PCDHGA11: variants seen among roughly 807,000 people sequenced by gnomAD.
The protein encoded by PCDHGA11 is protocadherin gamma-A11.
PCDHGA11 carries 39 observed loss-of-function variants against 60.4 expected under a neutral mutation model. The observed-to-expected ratio is 0.65, with a 90% CI of 0.50 to 0.84. The LOEUF (loss-of-function observed/expected upper bound fraction) is 0.84. PCDHGA11 is among the 40% of genes least tolerant of loss of function. The pLI is 0.00. For synonymous variants in PCDHGA11, 533 were observed against 510.3 expected (o/e 1.04, Z -0.60); for missense variants, 1,165 against 1,197.7 (o/e 0.97, Z 0.40).
chr5:141,438,638 A>G (rs1192725978), intron 1 of PCDHGA11, among the ~76,000 whole-genome samples: 1 of 22,806 alleles, frequency 4.4e-5, no homozygotes, highest in East Asian at 1.6e-3. Flanking sequence ...ATATATATAC[A>G]CACACACACA....
chr5:141,486,278 G>A lies in PCDHGA11; in HGVS notation c.2434-8529G>A. The A allele has an allele frequency of 1.2e-6, 2 of 1,614,088 alleles. No individual in the cohort carries two copies. Among genetic ancestry groups the A allele is most frequent in the South Asian group, 2.2e-5 (2 of 91,068 alleles). On this transcript the variant is annotated intron_variant, in intron 1 of 3. Transcript: ENST00000398587. This position sits in a 1 kb window ranked among gnomAD's most constrained non-coding sequence, Gnocchi z 5.0. The stretch of plus-strand genomic sequence containing the variant: ...CGAGAGTGCAGAACCTGGCACTGTG[G>A]TGGCACTTATCAGTGTGCAGGATCC...
Position 141,476,301 on chromosome 5 carries a change from C to T in PCDHGA11, c.2434-18506C>T. On this transcript the variant is annotated intron_variant, in intron 1 of 3. Transcript: ENST00000398587. The surrounding 1 kb of genome is among the most constrained non-coding windows in gnomAD (Gnocchi z 7.6). ...CTTGGTTTGGATCTCGGTAGCCTCT[C>T]AGCCCGCAGGTTCCGGGTGGTGTCT... is the stretch of plus-strand genomic sequence containing the variant. The T allele has an allele frequency of 1.9e-6, 3 of 1,613,778 alleles. No homozygotes were observed. The highest frequency in any genetic ancestry group is 2.5e-6 in the Non-Finnish European group (3 of 1,179,908).
At chr5:141,438,960 C>A (rs1398478011) in intron 1 of PCDHGA11, among the ~76,000 whole-genome samples, 1 of 151,940 alleles carries the variant, frequency 6.6e-6, no homozygotes, top group Non-Finnish European at 1.5e-5. Flanking sequence ...GCCACCGCAC[C>A]CTGCCAACTG....
chr5:141,468,599 G>C (rs1055715232), intron 1 of PCDHGA11: 7 of 152,236 alleles, frequency 4.6e-5, no homozygotes, highest in African/African-American at 1.4e-4. Flanking sequence ...GGGCGCGGTG[G>C]CTCACGCCTG....
At chr5:141,470,124 G>A (rs1038487398) in intron 1 of PCDHGA11, among the ~76,000 whole-genome samples, 4 of 151,358 alleles carry the variant, frequency 2.6e-5, no homozygotes, top group African/African-American at 9.7e-5. Flanking sequence ...GCAAGACTTC[G>A]TCTCAAAAAA....
Position 141,489,527 on chromosome 5 carries a change from G to A in PCDHGA11, c.2434-5280G>A. On this transcript the variant is annotated intron_variant, in intron 1 of 3. Coordinates refer to ENST00000398587, the MANE Select transcript of PCDHGA11 (RefSeq NM_018914.3). The surrounding 1 kb of genome is among the most constrained non-coding windows in gnomAD (Gnocchi z 4.5). The stretch of plus-strand genomic sequence containing the variant: ...CAAAAGATTGACCGAGAAAGCCTAT[G>A]TGGAGCCAGCACCAGCTGCCTGCTG... The A allele has an allele frequency of 1.9e-6, 3 of 1,614,152 alleles. No individual in the cohort carries two copies. Among genetic ancestry groups the A allele is most frequent in the East Asian group, 2.2e-5 (1 of 44,874 alleles).
intron 1 of PCDHGA11, among the ~76,000 whole-genome samples, chr5:141,450,062 A>G (rs546772416): frequency 1.1e-4 from 15 of 142,322 alleles, no homozygotes; most frequent in African/African-American, 4.0e-4. Flanking sequence ...GCTGGAATGC[A>G]GTGGTATGAT....
chr5:141,441,800 G>T, intron 1 of PCDHGA11: 1 of 382,594 alleles, frequency 2.6e-6, no homozygotes, highest in Non-Finnish European at 5.2e-6. Flanking sequence ...ACGCACCGCG[G>T]GTGCTGTACC....
At chr5:141,454,267 A>G (rs1270638226) in intron 1 of PCDHGA11, among the ~76,000 whole-genome samples, 1 of 152,254 alleles carries the variant, frequency 6.6e-6, no homozygotes, top group Non-Finnish European at 1.5e-5. Context: ...AAGTAATGCC[A>G]GCAAAAACTT....
intron 1 of PCDHGA11, among the ~76,000 whole-genome samples, chr5:141,442,717 C>T (rs918238654): frequency 1.3e-5 from 2 of 152,166 alleles, no homozygotes; most frequent in African/African-American, 2.4e-5. Flanking sequence ...CATGCCAGAG[C>T]ATTTGGGGCC....
chr5:141,509,298 C>A (rs974744333), intron 3 of PCDHGA11, among the ~76,000 whole-genome samples: 1 of 152,180 alleles, frequency 6.6e-6, no homozygotes, highest in Non-Finnish European at 1.5e-5. Flanking sequence ...AGGGTGGAGG[C>A]AGAGGGAGGC....
chr5:141,503,608 A>G (rs1451651299), intron 2 of PCDHGA11, among the ~76,000 whole-genome samples: 3 of 151,994 alleles, frequency 2.0e-5, no homozygotes, highest in South Asian at 2.1e-4. Flanking sequence ...CAAAAAAAAA[A>G]AAAAAAGAAA....
chr5:141,423,969 C>G, intron 1 of PCDHGA11: 1 of 1,147,718 alleles, frequency 8.7e-7, no homozygotes, highest in Non-Finnish European at 1.1e-6. Flanking sequence ...TTTCTATTAT[C>G]AGTGTATGAG....
chr5:141,432,400 G>A lies in PCDHGA11; in HGVS notation c.2433+8740G>A, dbSNP rs139153105. ...ACCCGCCCCTCAGCAGCAACGTGTC[G>A]TTGAGCCTGTTCGTGCTGGACCAGA... On this transcript the variant is annotated intron_variant, in intron 1 of 3. Transcript: ENST00000398587. The surrounding 1 kb of genome is among the most constrained non-coding windows in gnomAD (Gnocchi z 6.0). 5.6e-6 allele frequency: 9 copies of A among 1,614,122 alleles called. No homozygotes were observed. In the East Asian group the frequency reaches 6.7e-5, roughly 12 times the overall value.
intron 1 of PCDHGA11, chr5:141,468,381 G>A (rs1297428363): frequency 2.0e-5 from 3 of 149,754 alleles, no homozygotes; most frequent in South Asian, 2.1e-4. Flanking sequence ...AGCCATACAA[G>A]GCTACCCATT....
chr5:141,454,628 AC>A (rs1272822911), intron 1 of PCDHGA11, among the ~76,000 whole-genome samples: 2 of 151,334 alleles, frequency 1.3e-5, no homozygotes, highest in Non-Finnish European at 2.9e-5. Context: ...CTGGTCTCGA[AC>A]CCCCAACCTC....
rs2096658595 is a variant in PCDHGA11 at position 141,422,605 on chromosome 5, G to A, written c.1378G>A (p.Ala460Thr). ...CGTTTTTCCTCACTCCTCTTACTCT[G>A]CCTACATTCCCGAAAACAACCCCAG... is the stretch of plus-strand genomic sequence containing the variant. ...PPVFPHSSYSAYIPENNPRGA... is the reference protein window; with the variant it reads ...PPVFPHSSYSTYIPENNPRGA... Residue 460 changes from alanine (A) to threonine (T), a missense_variant, in exon 1 of 4, where the codon GCC (alanine) becomes ACC (threonine). Coordinates refer to ENST00000398587, the MANE Select transcript of PCDHGA11 (RefSeq NM_018914.3). The A allele has an allele frequency of 6.2e-7, 1 of 1,613,898 alleles. No individual in the cohort carries two copies. Among genetic ancestry groups the A allele is most frequent in the Non-Finnish European group, 8.5e-7 (1 of 1,179,944 alleles).
At chr5:141,450,754 C>G (rs192088793) in intron 1 of PCDHGA11, among the ~76,000 whole-genome samples, 1 of 150,996 alleles carries the variant, frequency 6.6e-6, no homozygotes, top group Non-Finnish European at 1.5e-5. Context: ...CCCAAAGTGC[C>G]GGGATTACAG....
chr5:141,489,284 T>A lies in PCDHGA11; in HGVS notation c.2434-5523T>A. On this transcript the variant is annotated intron_variant, in intron 1 of 3. Transcript: ENST00000398587. This position sits in a 1 kb window ranked among gnomAD's most constrained non-coding sequence, Gnocchi z 4.5. ...CCACAGCTCGCTGGGAAATGGCAAG[T>A]GCTGTGCATGTTGTCCTTGTGCTGC... The A allele has an allele frequency of 6.4e-7, 1 of 1,570,016 alleles. No homozygotes were observed. The highest frequency in any genetic ancestry group is 2.2e-5 in the East Asian group (1 of 44,588).
Sources: allele counts gnomAD v4.1 joint callset (sites outside exome capture counted in the v4.1 genomes callset), GRCh38; gene constraint gnomAD v4.1.1; non-coding constraint Gnocchi (gnomAD v3.1); transcripts MANE v1.5; gene names NCBI Gene and HGNC (gene_info 2026-07-23, HGNC 2026-07-21).